The following TIMMDC1 variants were observed in gnomAD, a reference collection of about 807,000 sequenced individuals.
TIMMDC1 encodes translocase of inner mitochondrial membrane domain containing 1.
Under a neutral mutation model 32.6 loss-of-function variants are expected in TIMMDC1, and 25 were observed. That is an observed-to-expected ratio of 0.77 (90% CI 0.56 to 1.07). TIMMDC1 has a LOEUF of 1.07. Ranked by LOEUF, TIMMDC1 falls within the 50% of genes least tolerant of loss-of-function variation. The probability of loss-of-function intolerance (pLI) is 0.00; values close to 1 mark genes in which losing one functional copy is unlikely to be tolerated. For missense variants in TIMMDC1, 329 were observed against 349.2 expected (o/e 0.94, Z 0.46); for synonymous variants, 130 against 127.6 (o/e 1.02, Z -0.13).
At chr3:119,499,434 T>TCC (rs1560044321) in intron 1 of TIMMDC1, among the ~76,000 whole-genome samples, 8 of 135,258 alleles carry the variant, frequency 5.9e-5, no homozygotes, top group African/African-American at 2.2e-4. Context: ...TTTTTTTTTT[T>TCC]CGAGACTGAG....
chr3:119,512,340 G>A (rs1321623089), intron 4 of TIMMDC1, among the ~76,000 whole-genome samples: 4 of 152,092 alleles, frequency 2.6e-5, no homozygotes, highest in South Asian at 4.1e-4. Flanking sequence ...GTGCAGTGAC[G>A]CGATCTCGGC....
chr3:119,499,418 CT>C (rs11329774), intron 1 of TIMMDC1, among the ~76,000 whole-genome samples: 30,151 of 114,922 alleles, frequency 0.26, 3,354 homozygotes, highest in Middle Eastern at 0.35. Flanking sequence ...ATTTTTCTTT[CT>C]TTTTTTTTTT....
intron 4 of TIMMDC1, among the ~76,000 whole-genome samples, chr3:119,505,920 C>T (rs1208709017): frequency 1.3e-5 from 2 of 151,544 alleles, no homozygotes. Context: ...TTTTTTTTAA[C>T]TTTTAACTTC....
chr3:119,512,459 A>G (rs1338464136), intron 4 of TIMMDC1, among the ~76,000 whole-genome samples: 2 of 151,916 alleles, frequency 1.3e-5, no homozygotes, highest in Non-Finnish European at 2.9e-5. Flanking sequence ...TTGTATTTTT[A>G]GTAGAGACGG....
At position 119,517,979 on chromosome 3, in the gene TIMMDC1, CTTT is replaced by C. The variant is rs71812615; in HGVS notation, c.707+678_707+680del. ...CGGTCTCAAAAAAGAAAAAAAGTGA[CTTT>C]TTTTTTTTTTTTTGCATACATATGT... is the stretch of plus-strand genomic sequence containing the variant. On this transcript the variant is annotated intron_variant, in intron 6 of 6. Transcript: ENST00000494664. 2.8e-4 allele frequency among the ~76,000 whole-genome samples: 38 copies of C among 134,122 alleles called. No homozygotes were observed. In the East Asian group the frequency reaches 6.6e-3, roughly 23 times the overall value. The allele number at this position is 134,122 out of a possible 152,430, so 88.0% of individuals were successfully genotyped here.
Position 119,524,633 on chromosome 3 carries a change from ATGT to A in TIMMDC1, c.*881_*883del, listed in dbSNP as rs771535146. On this transcript the variant is annotated 3_prime_UTR_variant, in exon 7 of 7. Transcript: ENST00000494664. ...CTGCCATGAGATGTGCATTTGAGAA[ATGT>A]TGTCTTCTTTTGCTGTTCAACTCCA... 7.2e-5 allele frequency: 11 copies of A among 152,328 alleles called. No homozygotes were observed. Among genetic ancestry groups the A allele is most frequent in the South Asian group, 4.1e-4 (2 of 4,824 alleles). The allele number at this position is 152,328 out of a possible 1,614,324, so 9.4% of individuals were successfully genotyped here.
At chr3:119,514,683 T>C (rs1287020616) in intron 5 of TIMMDC1, among the ~76,000 whole-genome samples, 2 of 152,242 alleles carry the variant, frequency 1.3e-5, no homozygotes, top group East Asian at 1.9e-4. Context: ...TTACTTGATA[T>C]ATTGGTTTTC....
rs756944302 is a variant in TIMMDC1 at position 119,500,760 on chromosome 3, T to C, written c.260T>C (p.Ile87Thr). Residue 87 changes from isoleucine to threonine, a missense_variant, in exon 2 of 7, where the codon ATT (isoleucine) becomes ACT (threonine). Transcript: ENST00000494664. The part of the protein sequence containing the change: ...ICKTAATAGI[I>T]GWVYGGIPAF... ...AAGACGGCAGCTACAGCAGGCATCA[T>C]TGGCTGGGTGTATGGGGGAATACCA... 19 of 1,614,172 alleles carry C rather than the reference T, an allele frequency of 1.2e-5. No homozygotes were observed. Among genetic ancestry groups the C allele is most frequent in the Non-Finnish European group, 1.4e-5 (17 of 1,180,016 alleles).
chr3:119,517,375 G>A lies in TIMMDC1; in HGVS notation c.707+60G>A, dbSNP rs977951589. 7.1e-6 allele frequency: 8 copies of A among 1,128,158 alleles called. No individual in the cohort carries two copies. In the Admixed American group the frequency reaches 1.4e-4, roughly 19 times the overall value. The allele number at this position is 1,128,158 out of a possible 1,614,324, so 69.9% of individuals were successfully genotyped here. A position where few individuals can be genotyped will look rare whatever the true frequency, so the allele number is the denominator to read the frequency against. On this transcript the variant is annotated intron_variant, in intron 6 of 6. Transcript: ENST00000494664. The stretch of plus-strand genomic sequence containing the variant: ...CTCTTGCCCCAGGCCTTATATAGTG[G>A]TGCTCTTTTAAACTTATGTACTCTA...
chr3:119,517,059 G>T, intron 5 of TIMMDC1, 146 bp from the exon 6 acceptor site: 2 of 482,972 alleles, frequency 4.1e-6, no homozygotes, highest in Admixed American at 3.4e-5. Flanking sequence ...TTCTTTATTT[G>T]ACAAGGACAC....
intron 5 of TIMMDC1, among the ~76,000 whole-genome samples, chr3:119,516,044 G>C (rs2081983854): frequency 6.6e-6 from 1 of 152,186 alleles, no homozygotes; most frequent in African/African-American, 2.4e-5. Flanking sequence ...TAATATACCA[G>C]TTTGGTTTGA....
chr3:119,508,760 T>C (rs1291263640), intron 4 of TIMMDC1, among the ~76,000 whole-genome samples: 2 of 152,240 alleles, frequency 1.3e-5, no homozygotes, highest in African/African-American at 4.8e-5. Flanking sequence ...TGGAAAGCCT[T>C]ATTATATGTG....
intron 1 of TIMMDC1, chr3:119,500,463 C>T (rs1262059596): frequency 1.2e-5 from 5 of 411,870 alleles, no homozygotes; most frequent in East Asian, 8.0e-5. Context: ...GTGCCTTTTC[C>T]GGTCATTGTC....
In TIMMDC1 at chr3:119,498,823, C is replaced by G. The variant is rs201748721; in HGVS notation, c.90C>G (p.Ala30=). ...PRVFAAEAVT[A]DSEVLEERQK... is the part of the protein sequence containing the mutation. Reference sequence around the variant, plus strand: ...TCTTTGCTGCCGAAGCTGTGACTGCCGATTCGGAAGTCCTTGAGGAGCGTC... The same window carrying G: ...TCTTTGCTGCCGAAGCTGTGACTGCGGATTCGGAAGTCCTTGAGGAGCGTC... Residue 30 remains alanine (A), a synonymous_variant, in exon 1 of 7, where the codon GCC becomes GCG. Coordinates refer to ENST00000494664, the MANE Select transcript of TIMMDC1 (RefSeq NM_016589.4). 2 of 1,614,036 alleles carry G rather than the reference C, an allele frequency of 1.2e-6. No homozygotes were observed. The highest frequency in any genetic ancestry group is 1.1e-5 in the South Asian group (1 of 91,088).
At chr3:119,502,360 G>A (rs1024452716) in intron 2 of TIMMDC1, among the ~76,000 whole-genome samples, 23 of 151,818 alleles carry the variant, frequency 1.5e-4, no homozygotes. Context: ...CTCCCAAGTA[G>A]CTGGGACTAT....
At chr3:119,502,233 CTTTA>C (rs113650757) in intron 2 of TIMMDC1, among the ~76,000 whole-genome samples, 2,213 of 150,900 alleles carry the variant, frequency 0.015, 57 homozygotes, top group African/African-American at 0.052. Context: ...TTATTTATTC[CTTTA>C]TTTATTTTTT....
At chr3:119,506,829 C>T (rs1200652026) in intron 4 of TIMMDC1, among the ~76,000 whole-genome samples, 2 of 152,232 alleles carry the variant, frequency 1.3e-5, no homozygotes, top group Non-Finnish European at 2.9e-5. Context: ...ACTTTACAAT[C>T]TCCTCGGATT....
At chr3:119,518,925 G>A (rs1481988152) in intron 6 of TIMMDC1, among the ~76,000 whole-genome samples, 3 of 152,172 alleles carry the variant, frequency 2.0e-5, no homozygotes, top group Non-Finnish European at 2.9e-5. Flanking sequence ...CCTGCCAAGA[G>A]TATTATACCT....
chr3:119,518,981 ACAGG>A (rs1308394961), intron 6 of TIMMDC1, among the ~76,000 whole-genome samples: 4 of 152,250 alleles, frequency 2.6e-5, no homozygotes, highest in African/African-American at 9.6e-5. Flanking sequence ...TCTTCTCAAG[ACAGG>A]CAAACACTGA....
Sources: allele counts gnomAD v4.1 joint callset (sites outside exome capture counted in the v4.1 genomes callset), GRCh38; gene constraint gnomAD v4.1.1; transcripts MANE v1.5; gene names NCBI Gene and HGNC (gene_info 2026-07-23, HGNC 2026-07-21).